Variants in RFX4 observed in about 807,000 individuals in gnomAD.
The protein encoded by RFX4 is regulatory factor X4.
In RFX4, 10 loss-of-function variants were observed where a neutral mutation model predicts 95.0. The ratio of observed to expected loss-of-function variants is 0.11; its 90% confidence interval spans 0.06 to 0.18. RFX4 has a LOEUF of 0.18. Among genes scored for constraint, RFX4 ranks in the 10% least tolerant of loss-of-function variants. RFX4 has a pLI of 1.00. For missense variants in RFX4, 640 were observed against 922.0 expected (o/e 0.69, Z 3.96); for synonymous variants, 321 against 340.7 (o/e 0.94, Z 0.64).
At chr12:106,676,375 A>C (rs1388757314) in intron 4 of RFX4, among the ~76,000 whole-genome samples, 1 of 152,196 alleles carries the variant, frequency 6.6e-6, no homozygotes, top group African/African-American at 2.4e-5. Context: ...AAGGAAATTT[A>C]GAGAAAAGAT....
chr12:106,712,255 A>C (rs1423451348), intron 10 of RFX4, among the ~76,000 whole-genome samples: 1 of 152,242 alleles, frequency 6.6e-6, no homozygotes. Context: ...AACAGTTGGA[A>C]CTGGGAGATG....
At chr12:106,759,920 G>A (rs746562633) in intron 17 of RFX4, among the ~76,000 whole-genome samples, 17 of 151,980 alleles carry the variant, frequency 1.1e-4, no homozygotes, top group Non-Finnish European at 1.8e-4. Context: ...GCATGCTTCC[G>A]GCCTAAGCGC....
At chr12:106,670,666 C>T (rs2041263545) in intron 4 of RFX4, among the ~76,000 whole-genome samples, 1 of 152,168 alleles carries the variant, frequency 6.6e-6, no homozygotes, top group Admixed American at 6.5e-5. Flanking sequence ...TTCCCCAGTT[C>T]CTGGCACCCA....
At chr12:106,653,746 G>A (rs1254980974) in intron 3 of RFX4, among the ~76,000 whole-genome samples, 1 of 152,156 alleles carries the variant, frequency 6.6e-6, no homozygotes, top group Non-Finnish European at 1.5e-5. Flanking sequence ...CTCTCCTGGG[G>A]CATTGGTTTT....
chr12:106,664,690 T>G (rs191671628), intron 4 of RFX4, among the ~76,000 whole-genome samples: 1 of 151,972 alleles, frequency 6.6e-6, no homozygotes, highest in Admixed American at 6.5e-5. Flanking sequence ...TGTGATAAAT[T>G]TTCCTCTACT....
rs2042532901 is a variant in RFX4 at position 106,727,822 on chromosome 12, T to C, written c.1352-4308T>C. Among the ~76,000 whole-genome samples the C allele has an allele frequency of 2.0e-5, 3 of 152,178 alleles. No homozygotes were observed. The South Asian group carries it at 6.2e-4, about 32-fold the overall frequency. ...CTTTAGTAGAGACGGAGTTTCACCA[T>C]GTTGGCCAGCCTTGTCTCGAACTCC... On this transcript the variant is annotated intron_variant, in intron 13 of 17. Transcript: ENST00000392842.
chr12:106,724,977 A>G (rs1275734578), intron 13 of RFX4, among the ~76,000 whole-genome samples: 1 of 151,516 alleles, frequency 6.6e-6, no homozygotes, highest in Non-Finnish European at 1.5e-5. Context: ...GGCACCACTG[A>G]ACTCCAGCCT....
At chr12:106,603,724 A>G (rs1428887331) in intron 1 of RFX4, among the ~76,000 whole-genome samples, 2 of 152,204 alleles carry the variant, frequency 1.3e-5, no homozygotes, top group Non-Finnish European at 2.9e-5. Flanking sequence ...AGTCCCCAGA[A>G]CTCAGTACCA....
chr12:106,629,203 T>A (rs900337568), intron 2 of RFX4, among the ~76,000 whole-genome samples: 1 of 151,712 alleles, frequency 6.6e-6, no homozygotes, highest in Admixed American at 6.6e-5. Context: ...TTTTCATCTT[T>A]AAAAAAAAAT....
At chr12:106,704,621 A>G (rs1298257857) in intron 8 of RFX4, among the ~76,000 whole-genome samples, 1 of 152,074 alleles carries the variant, frequency 6.6e-6, no homozygotes, top group African/African-American at 2.4e-5. Context: ...TTCCTTTCCA[A>G]CTCAGAAGAG....
At chr12:106,625,034 T>A (rs2040264888) in intron 2 of RFX4, among the ~76,000 whole-genome samples, 1 of 152,112 alleles carries the variant, frequency 6.6e-6, no homozygotes, top group Admixed American at 6.5e-5. Context: ...AATGTGTTGC[T>A]CGGAATGGGA....
At chr12:106,584,817 G>T (rs535018594) in intron 1 of RFX4, among the ~76,000 whole-genome samples, 29 of 152,292 alleles carry the variant, frequency 1.9e-4, no homozygotes, top group African/African-American at 7.0e-4. Context: ...CCGCCTGATT[G>T]CACTCCCCTG....
chr12:106,724,627 T>C (rs1476448013), intron 13 of RFX4, among the ~76,000 whole-genome samples: 4 of 152,130 alleles, frequency 2.6e-5, no homozygotes, highest in African/African-American at 9.7e-5. Flanking sequence ...TCAACTATTA[T>C]TCAAGAGTGA....
intron 1 of RFX4, among the ~76,000 whole-genome samples, chr12:106,588,311 A>G (rs1232511994): frequency 3.3e-5 from 5 of 152,136 alleles, no homozygotes; most frequent in African/African-American, 9.7e-5. Context: ...TCCATCCCCA[A>G]AGGATTTACT....
chr12:106,588,782 A>C (rs2039498284), intron 1 of RFX4, among the ~76,000 whole-genome samples: 1 of 152,138 alleles, frequency 6.6e-6, no homozygotes, highest in Admixed American at 6.5e-5. Context: ...TACTTTGTTT[A>C]TAAAGTAGTT....
rs1233271980 is a variant in RFX4 at position 106,669,101 on chromosome 12, TG to T, written c.316-12891del. Reference sequence around the variant, plus strand: ...TCACTTACTAACACTTCAGTATGTATGAGTTTAATCTATTAAGGAGACTCAG... The same window carrying T: ...TCACTTACTAACACTTCAGTATGTATAGTTTAATCTATTAAGGAGACTCAG... On this transcript the variant is annotated intron_variant, in intron 4 of 17. Transcript: ENST00000392842. Among the ~76,000 whole-genome samples the T allele has an allele frequency of 9.2e-5, 14 of 152,364 alleles. No homozygotes were observed. In the South Asian group the frequency reaches 1.2e-3, roughly 14 times the overall value.
chr12:106,754,617 G>A (rs2043076103), intron 17 of RFX4, among the ~76,000 whole-genome samples: 1 of 152,188 alleles, frequency 6.6e-6, no homozygotes, highest in African/African-American at 2.4e-5. Flanking sequence ...ATAAAAAGAA[G>A]CCAAGGTCTC....
In RFX4 at chr12:106,750,842, C is replaced by A. The variant is rs746960278; in HGVS notation, c.1935+49C>A. The stretch of plus-strand genomic sequence containing the variant: ...TGGCCAGGCCTTGGTATACTTGGTG[C>A]CAAATCTGGTTAACACAGTTCATAA... On this transcript the variant is annotated intron_variant, in intron 17 of 17. Coordinates refer to ENST00000392842, the MANE Select transcript of RFX4 (RefSeq NM_213594.3). 6.8e-6 allele frequency: 10 copies of A among 1,472,948 alleles called. No homozygotes were observed. In the African/African-American group the frequency reaches 1.3e-4, roughly 19 times the overall value. 91.2% of individuals were successfully genotyped at this position (1,472,948 alleles called of 1,614,324 possible).
intron 6 of RFX4, 88 bp downstream of exon 6, chr12:106,687,185 C>T: frequency 1.1e-5 from 1 of 89,014 alleles, no homozygotes; most frequent in Non-Finnish European, 1.9e-5. Context: ...CTCTCTCTCA[C>T]ACACACACAC....
Sources: allele counts gnomAD v4.1 joint callset (sites outside exome capture counted in the v4.1 genomes callset), GRCh38; gene constraint gnomAD v4.1.1; transcripts MANE v1.5; gene names NCBI Gene and HGNC (gene_info 2026-07-23, HGNC 2026-07-21).